Variants in TENM1 observed in about 807,000 individuals in gnomAD.
The protein encoded by TENM1 is teneurin transmembrane protein 1.
Under a neutral mutation model 174.8 loss-of-function variants are expected in TENM1, and 35 were observed. That is an observed-to-expected ratio of 0.20 (90% CI 0.15 to 0.27). The LOEUF (loss-of-function observed/expected upper bound fraction) is 0.27. TENM1 is among the 10% of genes least tolerant of loss of function. The pLI, the probability that TENM1 is intolerant of heterozygous loss-of-function variation, is 1.00. For synonymous variants in TENM1, 781 were observed against 798.7 expected, an observed-to-expected ratio of 0.98 and a Z score of 0.37; for missense variants, 1,633 against 2,130.1, an observed-to-expected ratio of 0.77 and a Z score of 4.59.
chrX:125,060,292 G>C, the TENM1 span, among the ~76,000 whole-genome samples: 1 of 109,602 alleles, frequency 9.1e-6, no homozygotes, highest in African/African-American at 3.3e-5. Context: ...GTACTTTACA[G>C]ATCACCTAAG....
intron 23 of TENM1, among the ~76,000 whole-genome samples, chrX:124,436,054 C>A (rs1041901970): frequency 9.0e-6 from 1 of 111,678 alleles, no homozygotes; most frequent in African/African-American, 3.3e-5. Flanking sequence ...TCCTCTGTGA[C>A]AAACAGTCCA....
At position 124,516,546 on chromosome X, in the gene TENM1, T is replaced by C. The variant is rs111736653; in HGVS notation, c.3301+3971A>G. ...CCTATTAAAAAGTAGGCAAAGGGCA[T>C]GAACAGATGCTTTTCAAAAGAAGAC... On this transcript the variant is annotated intron_variant, in intron 18 of 31. Coordinates refer to ENST00000422452, the Ensembl canonical transcript of TENM1. Among the ~76,000 whole-genome samples the C allele has an allele frequency of 3.6e-3, 399 of 112,170 alleles. 1 individual carries two copies. Among genetic ancestry groups the C allele is most frequent in the African/African-American group, 0.012 (372 of 30,914 alleles).
intron 18 of TENM1, among the ~76,000 whole-genome samples, chrX:124,512,315 G>T (rs936245709): frequency 1.4e-4 from 16 of 111,113 alleles, no homozygotes; most frequent in African/African-American, 5.2e-4. Context: ...AAGCAGCAGA[G>T]TTGGGAAAGA....
At chrX:124,745,010 G>A (rs2053883129) in intron 3 of TENM1, among the ~76,000 whole-genome samples, 1 of 111,659 alleles carries the variant, frequency 9.0e-6, no homozygotes, top group South Asian at 3.8e-4. Flanking sequence ...TAAATAGTGA[G>A]GGCACGCTAT....
chrX:124,585,125 A>C (rs1443481241), intron 11 of TENM1, among the ~76,000 whole-genome samples: 2 of 110,807 alleles, frequency 1.8e-5, no homozygotes, highest in Non-Finnish European at 3.8e-5. Flanking sequence ...TAGACAGATC[A>C]ACGAGACAGA....
the TENM1 span, among the ~76,000 whole-genome samples, chrX:125,082,626 ATTTG>A: frequency 9.9e-5 from 11 of 111,243 alleles, no homozygotes; most frequent in African/African-American, 3.6e-4. Flanking sequence ...TCATTCATTT[ATTTG>A]TTTAAGTATC....
At chrX:125,185,096 G>T in the TENM1 span, among the ~76,000 whole-genome samples, 4 of 111,779 alleles carry the variant, frequency 3.6e-5, no homozygotes, top group Non-Finnish European at 7.5e-5. Context: ...GATGAAGAGA[G>T]GGTAGAACGG....
the TENM1 span, among the ~76,000 whole-genome samples, chrX:125,041,207 T>C: frequency 0.11 from 11,958 of 111,217 alleles, 537 homozygotes; most frequent in South Asian, 0.16. Context: ...TATTGTTGTG[T>C]AGGCATGTTA....
At chrX:124,852,513 A>G (rs781112633) in intron 3 of TENM1, among the ~76,000 whole-genome samples, 1 of 111,312 alleles carries the variant, frequency 9.0e-6, no homozygotes, top group East Asian at 2.8e-4. Context: ...AAATGTATAT[A>G]TCTTGAGAGA....
intron 11 of TENM1, among the ~76,000 whole-genome samples, chrX:124,612,867 C>T (rs2050311497): frequency 9.0e-6 from 1 of 111,332 alleles, no homozygotes; most frequent in African/African-American, 3.3e-5. Context: ...CACACTCCCA[C>T]ATCAATTTCA....
chrX:124,514,235 G>A (rs975985999), intron 18 of TENM1, among the ~76,000 whole-genome samples: 1 of 110,999 alleles, frequency 9.0e-6, no homozygotes, highest in Non-Finnish European at 1.9e-5. Flanking sequence ...ACTACTAGAT[G>A]CTGTACTGGT....
At chrX:125,195,806 CATATT>C in the TENM1 span, among the ~76,000 whole-genome samples, 1 of 110,496 alleles carries the variant, frequency 9.1e-6, no homozygotes, top group Non-Finnish European at 1.9e-5. Context: ...AATAATATCT[CATATT>C]ATGTTTATAA....
intron 11 of TENM1, among the ~76,000 whole-genome samples, chrX:124,638,397 T>G (rs1158302840): frequency 9.0e-6 from 1 of 111,444 alleles, no homozygotes; most frequent in Admixed American, 9.5e-5. Context: ...ACCAGGAATT[T>G]TATCTAATTC....
At chrX:124,520,524 C>T in exon 18 of TENM1, 1 of 1,205,000 alleles carries the variant, frequency 8.3e-7, no homozygotes, top group South Asian at 1.8e-5. Context: ...TACCCAAAGC[C>T]TCTGCCAGGC....
intron 11 of TENM1, among the ~76,000 whole-genome samples, chrX:124,605,471 T>C (rs2050132702): frequency 9.1e-6 from 1 of 109,960 alleles, no homozygotes; most frequent in Non-Finnish European, 1.9e-5. Context: ...CAGGAGCAAA[T>C]TCCACTTTCT....
chrX:124,691,230 T>A, intron 5 of TENM1, among the ~76,000 whole-genome samples: 1 of 111,559 alleles, frequency 9.0e-6, no homozygotes, highest in East Asian at 2.8e-4. Flanking sequence ...TAGAATATAT[T>A]CCCCTGAGGG....
chrX:125,091,981 G>C, the TENM1 span, among the ~76,000 whole-genome samples: 1 of 62,471 alleles, frequency 1.6e-5, no homozygotes, highest in South Asian at 1.3e-3. Context: ...GTGAAACTCT[G>C]TCTCAAAAAA....
chrX:125,084,010 A>G, the TENM1 span, among the ~76,000 whole-genome samples: 1 of 111,605 alleles, frequency 9.0e-6, no homozygotes, highest in Non-Finnish European at 1.9e-5. Context: ...ATATGTTCTC[A>G]GCTGTTTTAG....
At chrX:125,099,749 C>T in the TENM1 span, among the ~76,000 whole-genome samples, 1 of 111,673 alleles carries the variant, frequency 9.0e-6, no homozygotes, top group African/African-American at 3.3e-5. Context: ...AATGTCAGAG[C>T]CATAAACAAC....
Sources: gnomAD v4.1 joint callset for allele counts (sites outside exome capture counted in the v4.1 genomes callset) on GRCh38, gnomAD v4.1.1 for gene constraint, MANE v1.5 for transcripts, NCBI Gene and HGNC (gene_info 2026-07-23, HGNC 2026-07-21) for gene names.